The following EBF2 variants were observed in gnomAD, a reference collection of about 807,000 sequenced individuals.
The protein encoded by EBF2 is transcription factor COE2.
EBF2 carries 21 observed loss-of-function variants against 72.8 expected under a neutral mutation model. The ratio of observed to expected loss-of-function variants is 0.29; its 90% CI spans 0.20 to 0.42. The LOEUF is 0.42. Ranked by LOEUF, EBF2 falls within the 10% of genes least tolerant of loss-of-function variation. The pLI is 1.00. For synonymous variants in EBF2, 299 were observed against 274.2 expected, an observed-to-expected ratio of 1.09 and a Z score of -0.89; for missense variants, 637 against 731.2, an observed-to-expected ratio of 0.87 and a Z score of 1.49.
At chr8:25,851,083 C>G (rs981993840) in intron 14 of EBF2, among the ~76,000 whole-genome samples, 2 of 151,970 alleles carry the variant, frequency 1.3e-5, no homozygotes, top group African/African-American at 2.4e-5. Context: ...CATTCACAAG[C>G]AGAAGCTTGG....
intron 6 of EBF2, among the ~76,000 whole-genome samples, chr8:25,954,615 T>G (rs1401253587): frequency 6.6e-6 from 1 of 152,194 alleles, no homozygotes; most frequent in Non-Finnish European, 1.5e-5. Flanking sequence ...CACCACCGTT[T>G]CCCACATGCT....
intron 6 of EBF2, among the ~76,000 whole-genome samples, chr8:25,960,635 T>C (rs894127753): frequency 3.3e-5 from 5 of 151,984 alleles, no homozygotes; most frequent in African/African-American, 1.2e-4. Context: ...TCACACTAGA[T>C]GAATTAATGA....
chr8:25,984,683 A>G (rs1192186594), intron 6 of EBF2, among the ~76,000 whole-genome samples: 1 of 117,046 alleles, frequency 8.5e-6, no homozygotes, highest in Non-Finnish European at 1.8e-5. Flanking sequence ...CTCCATCTCA[A>G]AAAAAAAAAA....
chr8:26,001,556 T>G (rs1459684698), intron 6 of EBF2, among the ~76,000 whole-genome samples: 1 of 152,160 alleles, frequency 6.6e-6, no homozygotes, highest in African/African-American at 2.4e-5. Flanking sequence ...ATTTGCTTTT[T>G]TTTTTGTTTT....
intron 6 of EBF2, among the ~76,000 whole-genome samples, chr8:26,018,694 A>C (rs1805154224): frequency 6.6e-6 from 1 of 151,684 alleles, no homozygotes; most frequent in Non-Finnish European, 1.5e-5. Context: ...TGAGAGAGAA[A>C]CAAAGGGCTG....
At chr8:26,017,614 C>T (rs189707056) in intron 6 of EBF2, among the ~76,000 whole-genome samples, 100 of 152,202 alleles carry the variant, frequency 6.6e-4, no homozygotes, top group South Asian at 1.5e-3. Flanking sequence ...TTGCTTTTAC[C>T]GGCCACAGCA....
At chr8:25,883,294 C>A (rs1802632605) in intron 10 of EBF2, among the ~76,000 whole-genome samples, 1 of 152,174 alleles carries the variant, frequency 6.6e-6, no homozygotes, top group African/African-American at 2.4e-5. Context: ...GCTATTGCTA[C>A]CTCCTCTGGG....
At chr8:25,957,974 G>A (rs1315668218) in intron 6 of EBF2, among the ~76,000 whole-genome samples, 1 of 152,212 alleles carries the variant, frequency 6.6e-6, no homozygotes, top group Non-Finnish European at 1.5e-5. Context: ...AGGAAGGCAG[G>A]CAGAACGCAA....
intron 3 of EBF2, 97 bp downstream of exon 3, chr8:26,040,842 C>G: frequency 6.4e-7 from 1 of 1,562,722 alleles, no homozygotes; most frequent in Non-Finnish European, 8.8e-7. Context: ...GCCCTGGGCT[C>G]CATGCGATCC....
chr8:25,861,684 C>T (rs1179332355), intron 11 of EBF2, among the ~76,000 whole-genome samples: 2 of 152,150 alleles, frequency 1.3e-5, no homozygotes, highest in Non-Finnish European at 2.9e-5. Flanking sequence ...CTATTAAATG[C>T]TACTTTCAGC....
At chr8:25,967,035 C>A (rs748337210) in intron 6 of EBF2, among the ~76,000 whole-genome samples, 1 of 152,114 alleles carries the variant, frequency 6.6e-6, no homozygotes, top group Non-Finnish European at 1.5e-5. Flanking sequence ...CTACAATAAA[C>A]GGAGAGAAGG....
chr8:25,938,394 T>A (rs1013693170), intron 6 of EBF2, among the ~76,000 whole-genome samples: 1 of 150,882 alleles, frequency 6.6e-6, no homozygotes, highest in East Asian at 1.9e-4. Flanking sequence ...AAAGCCTAGT[T>A]TTTTTTTTGT....
At chr8:25,950,441 C>A (rs972608411) in intron 6 of EBF2, among the ~76,000 whole-genome samples, 1 of 152,162 alleles carries the variant, frequency 6.6e-6, no homozygotes, top group African/African-American at 2.4e-5. Context: ...AATGCAGGGG[C>A]CCTCAGAATC....
intron 6 of EBF2, chr8:26,031,464 C>G (rs2117255981): frequency 8.5e-6 from 1 of 117,968 alleles, no homozygotes; most frequent in Non-Finnish European, 1.6e-5. Context: ...CAGAGTCTCA[C>G]TGTCTCTGTC....
chr8:25,866,401 C>T (rs1416119255), intron 10 of EBF2, among the ~76,000 whole-genome samples: 1 of 146,566 alleles, frequency 6.8e-6, no homozygotes, highest in African/African-American at 2.5e-5. Flanking sequence ...ATCACAGTCA[C>T]ATGAATTTTC....
Position 26,032,703 on chromosome 8 carries a change from A to G in EBF2, c.551+382T>C, listed in dbSNP as rs1477269228. 1.6e-5 allele frequency: 3 copies of G among 191,074 alleles called. No individual in the cohort carries two copies. The East Asian group carries it at 3.8e-4, about 24-fold the overall frequency. 11.8% of individuals were successfully genotyped at this position (191,074 alleles called of 1,614,324 possible). A position where few individuals can be genotyped will look rare whatever the true frequency, so the allele number is the denominator to read the frequency against. Reference sequence around the variant, plus strand: ...AATCTGAATTGATAATCTTCCAGCCAAGCAGCAATCACCGAGAATAATAAA... The same window carrying G: ...AATCTGAATTGATAATCTTCCAGCCGAGCAGCAATCACCGAGAATAATAAA... On this transcript the variant is annotated intron_variant, in intron 6 of 15. Transcript: ENST00000520164.
At chr8:25,994,459 C>T (rs1804591196) in intron 6 of EBF2, among the ~76,000 whole-genome samples, 1 of 152,146 alleles carries the variant, frequency 6.6e-6, no homozygotes, top group Non-Finnish European at 1.5e-5. Flanking sequence ...GATATACATT[C>T]TATTCTACTG....
intron 6 of EBF2, among the ~76,000 whole-genome samples, chr8:26,007,202 A>G (rs1804896470): frequency 6.6e-6 from 1 of 152,116 alleles, no homozygotes; most frequent in Non-Finnish European, 1.5e-5. Flanking sequence ...GATGTTTTAA[A>G]TTATTGGATC....
At chr8:25,926,107 AG>A (rs1803381564) in intron 6 of EBF2, among the ~76,000 whole-genome samples, 1 of 152,148 alleles carries the variant, frequency 6.6e-6, no homozygotes, top group South Asian at 2.1e-4. Flanking sequence ...AGGGAACTAG[AG>A]AACTATGAGT....
Sources: allele counts gnomAD v4.1 joint callset (sites outside exome capture counted in the v4.1 genomes callset), GRCh38; gene constraint gnomAD v4.1.1; transcripts MANE v1.5; gene names NCBI Gene and HGNC (gene_info 2026-07-23, HGNC 2026-07-21).